ARHGAP11A: variants seen among roughly 807,000 people sequenced by gnomAD.
The protein encoded by ARHGAP11A is rho GTPase-activating protein 11A.
In ARHGAP11A, 36 loss-of-function variants were observed where a neutral mutation model predicts 60.5. The observed-to-expected ratio is 0.59, with a 90% CI of 0.46 to 0.79. ARHGAP11A has a LOEUF of 0.79. Ranked by LOEUF, ARHGAP11A falls within the 30% of genes least tolerant of loss-of-function variation. The probability of loss-of-function intolerance (pLI) is 0.00; values close to 1 mark genes in which losing one functional copy is unlikely to be tolerated. For missense variants in ARHGAP11A, 1,071 were observed against 1,199.2 expected, an observed-to-expected ratio of 0.89 and a Z score of 1.58; for synonymous variants, 362 against 415.5, an observed-to-expected ratio of 0.87 and a Z score of 1.57.
At chr15:32,630,868 G>GTTT (rs1049458772) in intron 8 of ARHGAP11A, among the ~76,000 whole-genome samples, 49 of 145,770 alleles carry the variant, frequency 3.4e-4, no homozygotes, top group African/African-American at 1.2e-3. Flanking sequence ...TAGTTCAGTT[G>GTTT]TTTTTTTTTT....
chr15:32,626,057 T>A (rs945098104), intron 6 of ARHGAP11A, among the ~76,000 whole-genome samples: 1 of 152,126 alleles, frequency 6.6e-6, no homozygotes, highest in East Asian at 1.9e-4. Flanking sequence ...TTGAGTGAAG[T>A]GTTCAGCATA....
Position 32,638,047 on chromosome 15 carries a change from G to A in ARHGAP11A, c.*202G>A, listed in dbSNP as rs1226318045. On this transcript the variant is annotated 3_prime_UTR_variant, in exon 12 of 12. Transcript: ENST00000361627. ...TACTTCTTTGTTTTTCTTAATGATG[G>A]CAATTTTTAAACTTTAATTTTATTG... is the stretch of plus-strand genomic sequence containing the variant. The A allele has an allele frequency of 3.7e-5, 20 of 546,510 alleles. No homozygotes were observed. In the South Asian group the frequency reaches 5.4e-4, roughly 15 times the overall value. The allele number at this position is 546,510 out of a possible 1,614,324, so 33.9% of individuals were successfully genotyped here. A position where few individuals can be genotyped will look rare whatever the true frequency, so the allele number is the denominator to read the frequency against.
rs748832839 is a variant in ARHGAP11A at position 32,637,451 on chromosome 15, T to C, written c.2678T>C (p.Val893Ala). The C allele has an allele frequency of 4.3e-6, 7 of 1,614,020 alleles. No individual in the cohort carries two copies. In the African/African-American group the frequency reaches 8.0e-5, roughly 18 times the overall value. ...GAAAGTGCATCAAAAGATTCCTCTG[T>C]TTCATGTATCAAATCAGGTCCTAAA... The part of the protein sequence containing the change: ...CIESASKDSS[V>A]SCIKSGPKEQ... Residue 893 changes from valine to alanine, a missense_variant, in exon 12 of 12, where the codon GTT becomes GCT. Physicochemically the swap from Val to Ala is moderately conservative, Grantham distance 64. Coordinates refer to ENST00000361627, the MANE Select transcript of ARHGAP11A (RefSeq NM_014783.6).
rs2053137171 is a variant in ARHGAP11A, at chr15:32,616,203, G to GT, written c.-8dup. 6.2e-7 allele frequency: 1 copy of GT among 1,614,020 alleles called. No individual in the cohort carries two copies. Among genetic ancestry groups the GT allele is most frequent in the African/African-American group, 1.3e-5 (1 of 75,044 alleles). On this transcript the variant is annotated 5_prime_UTR_variant, in exon 1 of 12. Coordinates refer to ENST00000361627, the MANE Select transcript of ARHGAP11A (RefSeq NM_014783.6). ...CATCCTGCCTCAGAGAGTTATCGACGTATCCGGAATGTGGGATCAGAGGCT... is the reference window on the plus strand; with the variant it reads ...CATCCTGCCTCAGAGAGTTATCGACGTTATCCGGAATGTGGGATCAGAGGCT...
In ARHGAP11A at chr15:32,628,782, C is replaced by T. The variant is rs769176981; in HGVS notation, c.917C>T (p.Thr306Ile). 4 of 1,557,336 alleles carry T rather than the reference C, an allele frequency of 2.6e-6. No individual in the cohort carries two copies. The highest frequency in any genetic ancestry group is 1.4e-5 in the African/African-American group (1 of 71,628). ...AAACCTAACAGAACACCTTCTATTA[C>T]ACCTCAAGAAGAAAGAATTGGTAGG... ...KFKPNRTPSI[T>I]PQEERIAQLS... Residue 306 changes from threonine (T) to isoleucine (I), a missense_variant, in exon 7 of 12, where the codon ACA becomes ATA. This residue lies in a region of ARHGAP11A where 196 missense variants were observed against 272.1 expected (regional missense o/e 0.72). Transcript: ENST00000361627.
Position 32,637,441 on chromosome 15 carries a change from G to C in ARHGAP11A, c.2668G>C (p.Asp890His). Residue 890 changes from aspartate to histidine, a missense_variant, in exon 12 of 12, where the codon GAT (aspartate) becomes CAT (histidine). Physicochemically the swap from Asp to His is moderately conservative, Grantham distance 81. Coordinates refer to ENST00000361627, the MANE Select transcript of ARHGAP11A (RefSeq NM_014783.6). The stretch of plus-strand genomic sequence containing the variant: ...CTCTTGTATAGAAAGTGCATCAAAA[G>C]ATTCCTCTGTTTCATGTATCAAATC... ...LSSCIESASK[D>H]SSVSCIKSGP... The C allele has an allele frequency of 4.3e-6, 7 of 1,614,108 alleles. No homozygotes were observed. Among genetic ancestry groups the C allele is most frequent in the Non-Finnish European group, 5.9e-6 (7 of 1,180,022 alleles).
chr15:32,625,824 A>G (rs879286500), intron 6 of ARHGAP11A, among the ~76,000 whole-genome samples, 191 bp downstream of exon 6: 2 of 152,278 alleles, frequency 1.3e-5, no homozygotes, highest in Non-Finnish European at 2.9e-5. Context: ...CTTTAGCACA[A>G]ACATAAAATG....
At chr15:32,621,816 C>T (rs868730057) in intron 2 of ARHGAP11A, among the ~76,000 whole-genome samples, 1,349 of 141,188 alleles carry the variant, frequency 9.6e-3, no homozygotes, top group African/African-American at 0.034. Flanking sequence ...AGTGAGACTC[C>T]GTCTCAAAAA....
intron 1 of ARHGAP11A, among the ~76,000 whole-genome samples, chr15:32,619,473 A>G (rs1020649132): frequency 6.6e-6 from 1 of 152,162 alleles, no homozygotes; most frequent in Non-Finnish European, 1.5e-5. Flanking sequence ...TGAGGTTTTA[A>G]AAATGGGTTT....
rs1290434675 is a variant in ARHGAP11A at position 32,636,424 on chromosome 15, G to A, written c.1651G>A (p.Glu551Lys). ...VENLEVENSL[E>K]PDIMVEKSPA... is the part of the protein sequence containing the mutation. ...AAATCTTGAGGTAGAAAACTCTTTG[G>A]AGCCTGATATTATGGTAGAAAAGTC... Residue 551 changes from glutamate to lysine, a missense_variant, in exon 12 of 12, where the codon GAG (glutamate) becomes AAG (lysine). By Grantham distance (56) the Glu-to-Lys change is moderately conservative (BLOSUM62 1). Transcript: ENST00000361627. 2 of 1,613,990 alleles carry A rather than the reference G, an allele frequency of 1.2e-6. No homozygotes were observed. The highest frequency in any genetic ancestry group is 1.7e-6 in the Non-Finnish European group (2 of 1,179,950).
chr15:32,635,387 T>C (rs1470555440), intron 10 of ARHGAP11A, among the ~76,000 whole-genome samples: 2 of 152,254 alleles, frequency 1.3e-5, no homozygotes, highest in Admixed American at 1.3e-4. Flanking sequence ...ATTTATGCAA[T>C]ATAATTTACT....
Position 32,616,244 on chromosome 15 carries a change from G to T in ARHGAP11A, c.33G>T (p.Leu11=). ...ATCAGAGGCTGGTGAGGTTGGCCCT[G>T]TTGCAGCATCTGCGGGCCTTCTATG... is the stretch of plus-strand genomic sequence containing the variant. The part of the protein sequence containing the change: MWDQRLVRLA[L]LQHLRAFYGI... The change falls in exon 1 of 12, where the codon CTG becomes CTT. Residue 11 remains leucine (L), a synonymous_variant. Transcript: ENST00000361627. The T allele has an allele frequency of 1.2e-6, 2 of 1,614,208 alleles. No individual in the cohort carries two copies. The highest frequency in any genetic ancestry group is 1.7e-6 in the Non-Finnish European group (2 of 1,180,028).
At chr15:32,629,301 TA>T (rs2053536297) in intron 7 of ARHGAP11A, among the ~76,000 whole-genome samples, 1 of 147,016 alleles carries the variant, frequency 6.8e-6, no homozygotes, top group Non-Finnish European at 1.5e-5. Context: ...TCCTTGATTG[TA>T]ATTTCTTCCT....
At chr15:32,619,197 A>G (rs2053239383) in intron 1 of ARHGAP11A, among the ~76,000 whole-genome samples, 1 of 152,202 alleles carries the variant, frequency 6.6e-6, no homozygotes, top group South Asian at 2.1e-4. Context: ...TGTGACATCA[A>G]AAAAAGTACT....
intron 2 of ARHGAP11A, 22 bp from the exon 3 acceptor site, chr15:32,623,470 C>T (rs1312182246): frequency 1.2e-6 from 2 of 1,604,378 alleles, no homozygotes; most frequent in Non-Finnish European, 8.5e-7. Context: ...TGTCTAGCCA[C>T]CTGAAAAAAT....
chr15:32,617,565 G>A (rs956776641), intron 1 of ARHGAP11A, among the ~76,000 whole-genome samples: 3 of 142,252 alleles, frequency 2.1e-5, no homozygotes, highest in Non-Finnish European at 3.0e-5. Flanking sequence ...TCTGCCTCCC[G>A]GGTTCACGCC....
intron 10 of ARHGAP11A, among the ~76,000 whole-genome samples, 157 bp downstream of exon 10, chr15:32,634,198 C>A (rs1318599706): frequency 1.3e-5 from 2 of 152,206 alleles, no homozygotes; most frequent in Non-Finnish European, 2.9e-5. Flanking sequence ...AATTTCCTTG[C>A]ATTGGAGTAC....
chr15:32,627,585 T>C (rs1045396973), intron 6 of ARHGAP11A, among the ~76,000 whole-genome samples: 28 of 151,774 alleles, frequency 1.8e-4, no homozygotes, highest in Admixed American at 1.2e-3. Context: ...AAAAATTAGC[T>C]GGGCGTGGTG....
Position 32,638,132 on chromosome 15 carries a change from G to A in ARHGAP11A, c.*287G>A, listed in dbSNP as rs1221618457. On this transcript the variant is annotated 3_prime_UTR_variant, in exon 12 of 12. Coordinates refer to ENST00000361627, the MANE Select transcript of ARHGAP11A (RefSeq NM_014783.6). The stretch of plus-strand genomic sequence containing the variant: ...CTGACTCTGTCGTCCAGGCTGGAGT[G>A]CAGTGGCGCAATCTCACTGCAAGCT... 3.6e-6 allele frequency: 1 copy of A among 280,830 alleles called. No homozygotes were observed. Among genetic ancestry groups the A allele is most frequent in the Non-Finnish European group, 6.6e-6 (1 of 151,836 alleles). The allele number at this position is 280,830 out of a possible 1,614,324, so 17.4% of individuals were successfully genotyped here. A position where few individuals can be genotyped will look rare whatever the true frequency, so the allele number is the denominator to read the frequency against.
Sources: gnomAD v4.1 joint callset for allele counts (sites outside exome capture counted in the v4.1 genomes callset) on GRCh38, gnomAD v4.1.1 for gene constraint, gnomAD v4.1.1 regional missense constraint, MANE v1.5 for transcripts, NCBI Gene and HGNC (gene_info 2026-07-23, HGNC 2026-07-21) for gene names.